The following TSGA13 variants were observed in gnomAD, a reference collection of about 807,000 sequenced individuals.
The protein encoded by TSGA13 is testis-specific gene 13 protein.
TSGA13 carries 37 observed loss-of-function variants against 35.1 expected under a neutral mutation model. That is an observed-to-expected ratio of 1.05 (90% confidence interval 0.81 to 1.39). TSGA13 has a LOEUF of 1.39. TSGA13 is among the 40% of genes most tolerant of loss of function. The pLI, the probability that TSGA13 is intolerant of heterozygous loss-of-function variation, is 0.00. For missense variants in TSGA13, 338 were observed against 328.5 expected (o/e 1.03, Z -0.22); for synonymous variants, 124 against 121.2 (o/e 1.02, Z -0.15).
intron 3 of TSGA13, among the ~76,000 whole-genome samples, chr7:130,683,368 C>T (rs1554465378): frequency 6.6e-6 from 1 of 152,224 alleles, no homozygotes; most frequent in East Asian, 1.9e-4. Context: ...AGATAGGTTT[C>T]TGCTTCCTGG....
At chr7:130,675,496 G>A (rs1796391545) in intron 5 of TSGA13, among the ~76,000 whole-genome samples, 1 of 152,116 alleles carries the variant, frequency 6.6e-6, no homozygotes, top group Admixed American at 6.5e-5. Context: ...CAATTCTCCT[G>A]TGTTAGCCTC....
chr7:130,670,598 G>A (rs537224410), intron 7 of TSGA13, among the ~76,000 whole-genome samples: 6 of 152,164 alleles, frequency 3.9e-5, no homozygotes, highest in African/African-American at 1.4e-4. Flanking sequence ...AAGGCATTGT[G>A]GTATTTTCGA....
upstream of TSGA13, chr7:130,686,865 A>C (rs1334993591): frequency 6.7e-6 from 1 of 150,300 alleles, no homozygotes; most frequent in African/African-American, 2.5e-5. Context: ...CAGCCATTTG[A>C]ATCTTCTCCT....
chr7:130,677,721 G>C (rs1342297696), intron 5 of TSGA13, among the ~76,000 whole-genome samples: 1 of 151,974 alleles, frequency 6.6e-6, no homozygotes, highest in Non-Finnish European at 1.5e-5. Flanking sequence ...CACTGCGCCT[G>C]GCCCTGCCAT....
chr7:130,669,207 G>A lies in TSGA13; in HGVS notation c.659-24C>T, dbSNP rs782083776. On this transcript the variant is annotated intron_variant, in intron 7 of 7. Transcript: ENST00000356588. ...AGCTACGACAAAGCACAGGCACCCT[G>A]GTGAATGTGGCTTTTCAGAAGTACT... 32 of 1,613,794 alleles carry A rather than the reference G, an allele frequency of 2.0e-5. No homozygotes were observed. The South Asian group carries it at 2.9e-4, about 14-fold the overall frequency.
At chr7:130,685,158 T>A (rs1554465565) in intron 2 of TSGA13, 30 bp downstream of exon 2, 1 of 1,610,372 alleles carries the variant, frequency 6.2e-7, no homozygotes, top group South Asian at 1.1e-5. Context: ...GTGGTGTTTA[T>A]AACTTAGTTG....
At position 130,685,184 on chromosome 7, in the gene TSGA13, A is replaced by T. The variant is rs1796634513; in HGVS notation, c.23+4T>A. 1 of 1,613,160 alleles carries T rather than the reference A, an allele frequency of 6.2e-7. No homozygotes were observed. The highest frequency in any genetic ancestry group is 8.5e-7 in the Non-Finnish European group (1 of 1,179,242). On this transcript the variant is annotated splice_donor_region_variant and intron_variant, in intron 2 of 7. Coordinates refer to ENST00000356588, the MANE Select transcript of TSGA13 (RefSeq NM_052933.4). ...AACTTAGTTGGGCAAACAAGACTACATACTTGGTTTGTCTCTTTTGGCTCA... is the reference window on the plus strand; with the variant it reads ...AACTTAGTTGGGCAAACAAGACTACTTACTTGGTTTGTCTCTTTTGGCTCA...
At chr7:130,677,082 C>T (rs370650313) in intron 5 of TSGA13, among the ~76,000 whole-genome samples, 4 of 151,874 alleles carry the variant, frequency 2.6e-5, no homozygotes, top group South Asian at 2.1e-4. Flanking sequence ...TTAGTAGAGA[C>T]GGGGTTTCAC....
At chr7:130,686,750 T>C (rs1796670260), upstream of TSGA13, 1 of 140,058 alleles carries the variant, frequency 7.1e-6, no homozygotes, top group Non-Finnish European at 1.6e-5. Context: ...ATCTTCACCA[T>C]CTCTTAATCT....
In TSGA13 at chr7:130,668,760, G is replaced by C. The variant is rs1796164857; in HGVS notation, c.*254C>G. ...GAGGCTGCAGGAAGGCCGGCCCCGC[G>C]CTCTCACGCCGGTTGGGCCGCCGCG... On this transcript the variant is annotated 3_prime_UTR_variant, in exon 8 of 8. Coordinates refer to ENST00000356588, the MANE Select transcript of TSGA13 (RefSeq NM_052933.4). 1.4e-6 allele frequency: 2 copies of C among 1,432,314 alleles called. No homozygotes were observed. Among genetic ancestry groups the C allele is most frequent in the South Asian group, 1.3e-5 (1 of 74,542 alleles). The allele number at this position is 1,432,314 out of a possible 1,614,324, so 88.7% of individuals were successfully genotyped here.
chr7:130,685,452 T>A, intron 1 of TSGA13, 92 bp from the exon 2 acceptor site: 1 of 1,215,684 alleles, frequency 8.2e-7, no homozygotes, highest in Non-Finnish European at 1.1e-6. Flanking sequence ...AAGTTAAATT[T>A]ATTTCACAAA....
chr7:130,680,826 A>C, intron 4 of TSGA13, 120 bp downstream of exon 4: 2 of 903,254 alleles, frequency 2.2e-6, no homozygotes. Context: ...CTGTCCTAAG[A>C]GTACGCACAG....
Position 130,685,356 on chromosome 7 carries a change from T to C in TSGA13, c.-146A>G. 1.4e-6 allele frequency: 2 copies of C among 1,463,084 alleles called. No homozygotes were observed. The highest frequency in any genetic ancestry group is 3.1e-5 in the South Asian group (2 of 64,588). The allele number at this position is 1,463,084 out of a possible 1,614,324, so 90.6% of individuals were successfully genotyped here. A position where few individuals can be genotyped will look rare whatever the true frequency, so the allele number is the denominator to read the frequency against. On this transcript the variant is annotated 5_prime_UTR_variant, in exon 2 of 8. Transcript: ENST00000356588. Reference sequence around the variant, plus strand: ...ACAGTGTGTACTCATGCCCCATTCTTGAGCCTGTATGGGAAACAAGAAAAG... The same window carrying C: ...ACAGTGTGTACTCATGCCCCATTCTCGAGCCTGTATGGGAAACAAGAAAAG...
chr7:130,668,719 C>T lies in TSGA13; in HGVS notation c.*295G>A, dbSNP rs1420029836. On this transcript the variant is annotated 3_prime_UTR_variant, in exon 8 of 8. Coordinates refer to ENST00000356588, the MANE Select transcript of TSGA13 (RefSeq NM_052933.4). ...CCCACCGCAACCGTCCCAGGCGCCGCAGCCGGCGAGCGGAAGAGGCTGCAG... is the reference window on the plus strand; with the variant it reads ...CCCACCGCAACCGTCCCAGGCGCCGTAGCCGGCGAGCGGAAGAGGCTGCAG... 2.0e-6 allele frequency: 3 copies of T among 1,505,716 alleles called. No homozygotes were observed. The highest frequency in any genetic ancestry group is 1.8e-6 in the Non-Finnish European group (2 of 1,126,352). The allele number at this position is 1,505,716 out of a possible 1,614,324, so 93.3% of individuals were successfully genotyped here. A position where few individuals can be genotyped will look rare whatever the true frequency, so the allele number is the denominator to read the frequency against.
chr7:130,674,137 CCTT>C (rs1349864515), intron 5 of TSGA13, among the ~76,000 whole-genome samples: 32 of 150,402 alleles, frequency 2.1e-4, no homozygotes, highest in African/African-American at 7.3e-4. Flanking sequence ...ATTCTGAGAG[CCTT>C]CTTCTTTTCT....
At chr7:130,683,189 T>C (rs1316160382) in intron 3 of TSGA13, among the ~76,000 whole-genome samples, 8 of 152,236 alleles carry the variant, frequency 5.3e-5, no homozygotes, top group Admixed American at 4.6e-4. Flanking sequence ...TTTTTAGTTT[T>C]GTTATGTTGA....
intron 5 of TSGA13, among the ~76,000 whole-genome samples, chr7:130,675,539 A>T (rs1796392809): frequency 6.6e-6 from 1 of 152,108 alleles, no homozygotes; most frequent in Non-Finnish European, 1.5e-5. Context: ...ATGTGCCACC[A>T]CGCCTGGCTA....
In TSGA13 at chr7:130,685,285, C is replaced by T. The variant is rs375699181; in HGVS notation, c.-75G>A. Reference sequence around the variant, plus strand: ...CAAATTCAGGTCTCTAAATAGTCCACGTTCTGCAGGGGTTCAATTCAATCC... The same window carrying T: ...CAAATTCAGGTCTCTAAATAGTCCATGTTCTGCAGGGGTTCAATTCAATCC... On this transcript the variant is annotated 5_prime_UTR_variant, in exon 2 of 8. It adds an upstream start codon to the 5' untranslated region. Coordinates refer to ENST00000356588, the MANE Select transcript of TSGA13 (RefSeq NM_052933.4). 243 of 1,600,142 alleles carry T rather than the reference C, an allele frequency of 1.5e-4. 1 individual carries two copies. In the African/African-American group the frequency reaches 2.9e-3, roughly 19 times the overall value.
chr7:130,669,514 CAG>C (rs1796201400), intron 7 of TSGA13, among the ~76,000 whole-genome samples: 1 of 152,198 alleles, frequency 6.6e-6, no homozygotes, highest in South Asian at 2.1e-4. Context: ...CTCTTTTTCT[CAG>C]AGTGTATGCT....
Sources: allele counts gnomAD v4.1 joint callset (sites outside exome capture counted in the v4.1 genomes callset), GRCh38; gene constraint gnomAD v4.1.1; transcripts MANE v1.5; gene names NCBI Gene and HGNC (gene_info 2026-07-23, HGNC 2026-07-21).